Variants in TUSC3 observed in about 807,000 individuals in gnomAD.
TUSC3 encodes the protein tumor suppressor candidate 3.
In TUSC3, 45 loss-of-function variants were observed where a neutral mutation model predicts 44.8. The ratio of observed to expected loss-of-function variants is 1.00; its 90% CI spans 0.79 to 1.29. TUSC3 has a LOEUF of 1.29. TUSC3 is among the 50% of genes most tolerant of loss of function. The pLI is 0.00. For synonymous variants in TUSC3, 212 were observed against 152.9 expected, an observed-to-expected ratio of 1.39 and a Z score of -2.85; for missense variants, 519 against 437.9, an observed-to-expected ratio of 1.19 and a Z score of -1.65.
chr8:15,689,074 C>A, intron 6 of TUSC3: 2 of 367,826 alleles, frequency 5.4e-6, no homozygotes, highest in South Asian at 2.3e-5. Context: ...AAATCTTCTG[C>A]CCTGTAGTTT....
intron 2 of TUSC3, among the ~76,000 whole-genome samples, chr8:15,533,601 C>T (rs959072797): frequency 2.6e-5 from 4 of 152,128 alleles, no homozygotes; most frequent in Admixed American, 6.5e-5. Flanking sequence ...TATTTTGGAA[C>T]TGTAAGAGTT....
intron 1 of TUSC3, among the ~76,000 whole-genome samples, chr8:15,618,300 AT>A (rs936243223): frequency 5.9e-5 from 9 of 152,056 alleles, no homozygotes; most frequent in African/African-American, 1.9e-4. Context: ...AAAGTTTTTA[AT>A]TTTTTTTAAC....
At chr8:15,831,775 CA>C in the TUSC3 span, among the ~76,000 whole-genome samples, 1 of 152,046 alleles carries the variant, frequency 6.6e-6, no homozygotes, top group Non-Finnish European at 1.5e-5. Context: ...ACAAAATCTA[CA>C]AGAAATGTGG....
In TUSC3 at chr8:15,505,624, A is replaced by C. The variant is rs545648392; in HGVS notation, n.189+22141A>C. Among the ~76,000 whole-genome samples the C allele has an allele frequency of 2.0e-5, 3 of 152,320 alleles. 1 individual carries two copies. In the South Asian group the frequency reaches 6.2e-4, roughly 32 times the overall value. On this transcript the variant is annotated intron_variant and non_coding_transcript_variant, in intron 2 of 5. Transcript: ENST00000503191. ...TCACCAACTGAAAATAGAAATACCCAGGCTTCTCCCTGGAGAATCTGATTC... is the reference window on the plus strand; with the variant it reads ...TCACCAACTGAAAATAGAAATACCCCGGCTTCTCCCTGGAGAATCTGATTC...
chr8:15,667,788 A>T (rs996369153), intron 5 of TUSC3, among the ~76,000 whole-genome samples: 2 of 151,840 alleles, frequency 1.3e-5, no homozygotes, highest in Non-Finnish European at 2.9e-5. Flanking sequence ...ATACAATGTG[A>T]AATGTTTTCC....
At chr8:15,820,299 G>C in the TUSC3 span, among the ~76,000 whole-genome samples, 7 of 142,914 alleles carry the variant, frequency 4.9e-5, no homozygotes, top group African/African-American at 1.5e-4. Context: ...GAAAGATATT[G>C]ATCTGTAATT....
chr8:15,527,617 C>G (rs543576935), intron 2 of TUSC3, among the ~76,000 whole-genome samples: 1 of 152,220 alleles, frequency 6.6e-6, no homozygotes, highest in African/African-American at 2.4e-5. Context: ...GTTGACCAGG[C>G]TGTTCTGAAA....
chr8:15,707,902 C>G (rs1809684741), intron 6 of TUSC3, among the ~76,000 whole-genome samples: 1 of 151,884 alleles, frequency 6.6e-6, no homozygotes, highest in South Asian at 2.1e-4. Flanking sequence ...ATGCCTCTTT[C>G]TTAGGTTCTA....
intron 2 of TUSC3, among the ~76,000 whole-genome samples, chr8:15,487,875 C>G (rs1424488156): frequency 6.7e-6 from 1 of 148,264 alleles, no homozygotes; most frequent in African/African-American, 2.5e-5. Context: ...TTAGTGTTTT[C>G]ATTACTAGAA....
rs1380960716 is a variant in TUSC3 at position 15,620,409 on chromosome 8, C to T, written c.139-2671C>T. On this transcript the variant is annotated intron_variant, in intron 1 of 10. Transcript: ENST00000503731. ...CATATAGTTAGAATTCTACATTTTT[C>T]AAGATGTGATTGTGTAGAAATTATA... is the stretch of plus-strand genomic sequence containing the variant. Among the ~76,000 whole-genome samples the T allele has an allele frequency of 2.0e-5, 3 of 152,016 alleles. No homozygotes were observed. In the South Asian group the frequency reaches 6.2e-4, roughly 31 times the overall value.
At chr8:15,455,762 T>A (rs1042485475) in intron 1 of TUSC3, among the ~76,000 whole-genome samples, 1 of 152,144 alleles carries the variant, frequency 6.6e-6, no homozygotes, top group Non-Finnish European at 1.5e-5. Flanking sequence ...TTCCTGGCCT[T>A]AGGCCAAGGT....
chr8:15,582,080 G>A (rs1028187856), intron 1 of TUSC3, among the ~76,000 whole-genome samples: 5 of 151,920 alleles, frequency 3.3e-5, no homozygotes, highest in Admixed American at 2.6e-4. Context: ...TTCCAGGTGC[G>A]TCTGTCACCC....
At chr8:15,799,822 T>C in the TUSC3 span, among the ~76,000 whole-genome samples, 1 of 152,128 alleles carries the variant, frequency 6.6e-6, no homozygotes, top group Admixed American at 6.5e-5. Context: ...TTCATGGATG[T>C]CGATAGACCT....
chr8:15,770,499 A>G (rs182086190), downstream of TUSC3, among the ~76,000 whole-genome samples: 469 of 152,268 alleles, frequency 3.1e-3, 3 homozygotes, highest in African/African-American at 0.01. Flanking sequence ...TGGCATGTGT[A>G]TACCTCTGTA....
intron 2 of TUSC3, among the ~76,000 whole-genome samples, chr8:15,644,944 A>G (rs555637255): frequency 1.3e-5 from 2 of 152,262 alleles, no homozygotes; most frequent in South Asian, 4.1e-4. Context: ...AGCCAGAGCT[A>G]TCCCTAAGTA....
chr8:15,783,148 A>G, the TUSC3 span, among the ~76,000 whole-genome samples: 6 of 152,194 alleles, frequency 3.9e-5, no homozygotes, highest in African/African-American at 1.2e-4. Context: ...AATTTAACCA[A>G]TGTGGTGAAA....
intron 4 of TUSC3, among the ~76,000 whole-genome samples, chr8:15,660,317 T>G (rs1807360741): frequency 6.6e-6 from 1 of 152,010 alleles, no homozygotes; most frequent in African/African-American, 2.4e-5. Context: ...AGAATGAAGC[T>G]CAAGATGTAA....
intron 1 of TUSC3, among the ~76,000 whole-genome samples, chr8:15,542,335 A>C (rs979120316): frequency 6.6e-6 from 1 of 152,032 alleles, no homozygotes; most frequent in Non-Finnish European, 1.5e-5. Flanking sequence ...AATAGATTGT[A>C]AATGTTTCTT....
At chr8:15,659,470 G>T in intron 3 of TUSC3, 37 bp from the exon 4 acceptor site, 1 of 1,601,922 alleles carries the variant, frequency 6.2e-7, no homozygotes, top group South Asian at 1.1e-5. Flanking sequence ...ATGATAAGAT[G>T]ATCCTATATT....
Sources: allele counts gnomAD v4.1 joint callset (sites outside exome capture counted in the v4.1 genomes callset), GRCh38; gene constraint gnomAD v4.1.1; transcripts MANE v1.5; gene names NCBI Gene and HGNC (gene_info 2026-07-23, HGNC 2026-07-21).